The following PLXDC2 variants were observed in gnomAD, a reference collection of about 807,000 sequenced individuals.
The protein encoded by PLXDC2 is plexin domain-containing protein 2.
A neutral mutation model predicts 68.9 loss-of-function variants in PLXDC2; 40 were observed. The observed-to-expected ratio is 0.58, with a 90% CI of 0.45 to 0.76. PLXDC2 has a LOEUF of 0.76. PLXDC2 is among the 30% of genes least tolerant of loss of function. The pLI is 0.00. For missense variants in PLXDC2, 644 were observed against 661.9 expected, an observed-to-expected ratio of 0.97 and a Z score of 0.30; for synonymous variants, 243 against 234.2, an observed-to-expected ratio of 1.04 and a Z score of -0.34.
intron 1 of PLXDC2, among the ~76,000 whole-genome samples, chr10:19,918,875 TC>T (rs1833413943): frequency 6.6e-6 from 1 of 152,212 alleles, no homozygotes; most frequent in African/African-American, 2.4e-5. Context: ...AGAAGTTATT[TC>T]ATCATGTATG....
At chr10:20,271,817 G>T (rs1835944635) in intron 13 of PLXDC2, among the ~76,000 whole-genome samples, 1 of 152,170 alleles carries the variant, frequency 6.6e-6, no homozygotes, top group African/African-American at 2.4e-5. Context: ...GGAGGTAGCA[G>T]CTTCGAGGTG....
At chr10:19,964,989 T>C (rs1834224107) in intron 1 of PLXDC2, among the ~76,000 whole-genome samples, 1 of 152,222 alleles carries the variant, frequency 6.6e-6, no homozygotes, top group Non-Finnish European at 1.5e-5. Context: ...ACAGTTATCC[T>C]GCTTGCAAGT....
intron 12 of PLXDC2, among the ~76,000 whole-genome samples, chr10:20,221,294 T>C (rs1835209083): frequency 7.1e-6 from 1 of 140,220 alleles, no homozygotes; most frequent in South Asian, 2.1e-4. Context: ...AAGATTTTCT[T>C]AAAGCAGTGC....
chr10:20,265,976 A>G (rs990968082), intron 13 of PLXDC2, among the ~76,000 whole-genome samples: 4 of 152,196 alleles, frequency 2.6e-5, no homozygotes, highest in African/African-American at 9.6e-5. Context: ...GGATCCACAC[A>G]TGGAAAGAAG....
chr10:20,122,842 C>T (rs953343408), intron 4 of PLXDC2, among the ~76,000 whole-genome samples: 1 of 152,018 alleles, frequency 6.6e-6, no homozygotes, highest in Admixed American at 6.6e-5. Context: ...TATTTAGTGT[C>T]GGGAGCAGAT....
chr10:20,263,966 A>C (rs1023373388), intron 13 of PLXDC2, among the ~76,000 whole-genome samples: 1 of 152,132 alleles, frequency 6.6e-6, no homozygotes, highest in Non-Finnish European at 1.5e-5. Context: ...TGGTATATAT[A>C]TATACCAAGA....
At chr10:20,005,598 C>T (rs1438067862) in intron 2 of PLXDC2, among the ~76,000 whole-genome samples, 3 of 152,094 alleles carry the variant, frequency 2.0e-5, no homozygotes, top group Non-Finnish European at 4.4e-5. Context: ...GGTGTGGCCT[C>T]AGGAAGGTTT....
chr10:19,929,397 C>T (rs1426826772), intron 1 of PLXDC2, among the ~76,000 whole-genome samples: 1 of 151,978 alleles, frequency 6.6e-6, no homozygotes, highest in African/African-American at 2.4e-5. Flanking sequence ...CCTTTCTGCA[C>T]GTGGAGTAAT....
chr10:20,253,037 T>G (rs1188626194), intron 13 of PLXDC2, among the ~76,000 whole-genome samples: 2 of 151,824 alleles, frequency 1.3e-5, no homozygotes, highest in Non-Finnish European at 2.9e-5. Flanking sequence ...TTAAATAAAG[T>G]AAATAAATAA....
chr10:20,218,739 G>A (rs892866025), intron 11 of PLXDC2, among the ~76,000 whole-genome samples: 5 of 151,930 alleles, frequency 3.3e-5, no homozygotes, highest in Non-Finnish European at 1.5e-5. Context: ...CATAACTATA[G>A]GTTCTAATTA....
At chr10:20,094,305 T>C (rs1197963559) in intron 4 of PLXDC2, among the ~76,000 whole-genome samples, 3 of 152,150 alleles carry the variant, frequency 2.0e-5, no homozygotes, top group Non-Finnish European at 4.4e-5. Context: ...TGCTTTATAG[T>C]TTTCAGAATT....
chr10:19,847,492 C>G (rs1204479784), intron 1 of PLXDC2, among the ~76,000 whole-genome samples: 1 of 152,156 alleles, frequency 6.6e-6, no homozygotes, highest in Non-Finnish European at 1.5e-5. Flanking sequence ...TGTGGAGATT[C>G]AGCATTACCT....
intron 4 of PLXDC2, among the ~76,000 whole-genome samples, chr10:20,131,065 C>A (rs908536174): frequency 6.6e-6 from 1 of 151,792 alleles, no homozygotes; most frequent in African/African-American, 2.4e-5. Context: ...GTTAAATATC[C>A]TTTAAATGTT....
intron 2 of PLXDC2, among the ~76,000 whole-genome samples, chr10:20,030,430 T>C (rs1835483811): frequency 6.6e-6 from 1 of 152,230 alleles, no homozygotes; most frequent in Non-Finnish European, 1.5e-5. Flanking sequence ...CTTACCCTTC[T>C]TAGATTCTGT....
At chr10:20,158,123 C>T (rs74398145) in intron 6 of PLXDC2, among the ~76,000 whole-genome samples, 8,624 of 151,824 alleles carry the variant, frequency 0.057, 272 homozygotes, top group South Asian at 0.083. Context: ...CTTCCTGACA[C>T]CCCCAGGATC....
At chr10:19,966,150 A>G (rs1013378627) in intron 1 of PLXDC2, among the ~76,000 whole-genome samples, 9 of 147,922 alleles carry the variant, frequency 6.1e-5, no homozygotes, top group African/African-American at 2.3e-4. Context: ...TAGTATATAT[A>G]TAAACACGCA....
intron 13 of PLXDC2, among the ~76,000 whole-genome samples, chr10:20,266,116 A>G (rs534650791): frequency 3.0e-4 from 46 of 152,328 alleles, no homozygotes; most frequent in African/African-American, 1.1e-3. Context: ...TCCAGTGCAC[A>G]TAAGGTCACA....
At chr10:19,861,527 T>G (rs935232720) in intron 1 of PLXDC2, among the ~76,000 whole-genome samples, 15 of 152,266 alleles carry the variant, frequency 9.9e-5, no homozygotes, top group South Asian at 4.1e-4. Flanking sequence ...AACATTCCAG[T>G]AACCTTTTCA....
At chr10:20,123,306 A>G (rs1022396945) in intron 4 of PLXDC2, among the ~76,000 whole-genome samples, 1 of 152,154 alleles carries the variant, frequency 6.6e-6, no homozygotes, top group Non-Finnish European at 1.5e-5. Flanking sequence ...CTGAGGGGAC[A>G]GACAGGAGGG....
Sources: gnomAD v4.1 joint callset for allele counts (sites outside exome capture counted in the v4.1 genomes callset) on GRCh38, gnomAD v4.1.1 for gene constraint, MANE v1.5 for transcripts, NCBI Gene and HGNC (gene_info 2026-07-23, HGNC 2026-07-21) for gene names.